Variants in DPF3 observed in about 807,000 individuals in gnomAD.
DPF3 encodes the protein zinc finger protein DPF3.
DPF3 carries 18 observed loss-of-function variants against 56.8 expected under a neutral mutation model. That is an observed-to-expected ratio of 0.32 (90% CI 0.22 to 0.47). The LOEUF is 0.47. Ranked by LOEUF, DPF3 falls within the 20% of genes least tolerant of loss-of-function variation. The pLI is 1.00. For missense variants in DPF3, 403 were observed against 488.8 expected (o/e 0.82, Z 1.65); for synonymous variants, 188 against 180.2 (o/e 1.04, Z -0.35).
At chr14:72,662,867 A>G in intron 8 of DPF3, 1 of 979,146 alleles carries the variant, frequency 1.0e-6, no homozygotes, top group African/African-American at 1.8e-5. Context: ...GATAAAACAA[A>G]AAACAACAGC....
intron 1 of DPF3, chr14:72,773,748 C>T (rs896633083): frequency 4.5e-5 from 20 of 443,684 alleles, no homozygotes; most frequent in African/African-American, 3.6e-4. Flanking sequence ...GCTTATTTGA[C>T]TTAGCATAAT....
intron 1 of DPF3, among the ~76,000 whole-genome samples, chr14:72,887,186 C>T (rs1185344108): frequency 7.2e-6 from 1 of 139,498 alleles, no homozygotes; most frequent in Non-Finnish European, 1.6e-5. Flanking sequence ...CACACACACA[C>T]ACACACACAC....
At chr14:72,705,330 C>G (rs915572287) in intron 6 of DPF3, among the ~76,000 whole-genome samples, 4 of 151,856 alleles carry the variant, frequency 2.6e-5, no homozygotes, top group African/African-American at 9.7e-5. Context: ...TCTCCCATCA[C>G]CCCCAGATGG....
chr14:72,769,343 T>G (rs1599425098), intron 2 of DPF3, among the ~76,000 whole-genome samples: 1 of 152,014 alleles, frequency 6.6e-6, no homozygotes, highest in Non-Finnish European at 1.5e-5. Context: ...ATCCTAATAT[T>G]AGGATGGCAA....
intron 1 of DPF3, among the ~76,000 whole-genome samples, chr14:72,821,869 A>G (rs1306648086): frequency 1.3e-5 from 2 of 151,888 alleles, no homozygotes; most frequent in Non-Finnish European, 2.9e-5. Context: ...TTAGCCAGGC[A>G]CTGTCGTGTG....
intron 8 of DPF3, chr14:72,670,805 T>C (rs1886638261): frequency 1.4e-5 from 15 of 1,105,322 alleles, no homozygotes; most frequent in African/African-American, 3.3e-5. Flanking sequence ...TCTGCTCCTG[T>C]CAAAAAGACC....
intron 7 of DPF3, among the ~76,000 whole-genome samples, chr14:72,679,665 G>A (rs149730334): frequency 6.6e-6 from 1 of 152,386 alleles, no homozygotes; most frequent in Non-Finnish European, 1.5e-5. Context: ...TGTTTCCATG[G>A]CAACCGGAAT....
At chr14:72,781,024 A>C (rs879606036) in intron 1 of DPF3, among the ~76,000 whole-genome samples, 4 of 152,200 alleles carry the variant, frequency 2.6e-5, no homozygotes, top group Non-Finnish European at 5.9e-5. Context: ...GATCCTGAGA[A>C]ATTTGAGACT....
chr14:72,857,753 A>G (rs1382056461), intron 1 of DPF3, among the ~76,000 whole-genome samples: 4 of 151,798 alleles, frequency 2.6e-5, no homozygotes, highest in Non-Finnish European at 1.5e-5. Context: ...TGCCCAGCTA[A>G]TTTTTTTGTA....
chr14:72,870,169 G>A (rs1401618280), intron 1 of DPF3, among the ~76,000 whole-genome samples: 2 of 152,138 alleles, frequency 1.3e-5, no homozygotes, highest in Non-Finnish European at 1.5e-5. Flanking sequence ...AGCATGTGCT[G>A]GGAACTCACA....
At chr14:72,649,590 G>A (rs995391950) in intron 8 of DPF3, among the ~76,000 whole-genome samples, 9 of 136,746 alleles carry the variant, frequency 6.6e-5, no homozygotes, top group Admixed American at 4.2e-4. Context: ...GCTTATTCAG[G>A]AGCTTAACCA....
intron 6 of DPF3, among the ~76,000 whole-genome samples, chr14:72,694,824 C>T (rs9671975): frequency 0.048 from 7,301 of 152,244 alleles, 348 homozygotes; most frequent in African/African-American, 0.12. Context: ...CTTATTCCTG[C>T]TATAGAGTTT....
chr14:72,627,374 C>A (rs1044329230), intron 9 of DPF3, among the ~76,000 whole-genome samples: 3 of 152,040 alleles, frequency 2.0e-5, no homozygotes, highest in African/African-American at 7.2e-5. Flanking sequence ...CAAATGGCTA[C>A]CCCATTGTCC....
At chr14:72,786,497 C>T (rs1892216919) in intron 1 of DPF3, among the ~76,000 whole-genome samples, 1 of 152,196 alleles carries the variant, frequency 6.6e-6, no homozygotes, top group South Asian at 2.1e-4. Flanking sequence ...TACATATTGT[C>T]TGTGGCAGCT....
intron 3 of DPF3, among the ~76,000 whole-genome samples, chr14:72,738,361 A>G (rs1889985384): frequency 6.6e-6 from 1 of 152,092 alleles, no homozygotes; most frequent in African/African-American, 2.4e-5. Context: ...GGATATCCAT[A>G]TAACAGGAGG....
intron 3 of DPF3, among the ~76,000 whole-genome samples, chr14:72,739,438 T>C (rs1370608728): frequency 1.3e-5 from 2 of 152,204 alleles, no homozygotes; most frequent in African/African-American, 4.8e-5. Flanking sequence ...ATGAAGTGTC[T>C]GGCACAGGTG....
At chr14:72,874,176 A>AT (rs1393485995) in intron 1 of DPF3, among the ~76,000 whole-genome samples, 3 of 151,852 alleles carry the variant, frequency 2.0e-5, no homozygotes, top group African/African-American at 7.3e-5. Context: ...AGAAAAAAAA[A>AT]AAAAGAAATT....
chr14:72,632,411 G>T (rs955720073), intron 8 of DPF3, among the ~76,000 whole-genome samples: 1 of 152,100 alleles, frequency 6.6e-6, no homozygotes, highest in Non-Finnish European at 1.5e-5. Flanking sequence ...GTTGCCCTTG[G>T]AGAAAACTGA....
At chr14:72,790,001 C>A (rs933542763) in intron 1 of DPF3, among the ~76,000 whole-genome samples, 1 of 152,028 alleles carries the variant, frequency 6.6e-6, no homozygotes, top group Non-Finnish European at 1.5e-5. Context: ...CCTGTAATCC[C>A]AGCACTTTGG....
Sources: allele counts gnomAD v4.1 joint callset (sites outside exome capture counted in the v4.1 genomes callset), GRCh38; gene constraint gnomAD v4.1.1; transcripts MANE v1.5; gene names NCBI Gene and HGNC (gene_info 2026-07-23, HGNC 2026-07-21).